The following GLP1R variants were observed in gnomAD, a reference collection of about 807,000 sequenced individuals.
The protein encoded by GLP1R is glucagon-like peptide 1 receptor.
A neutral mutation model predicts 68.4 loss-of-function variants in GLP1R; 32 were observed. The ratio of observed to expected loss-of-function variants is 0.47; its 90% CI spans 0.35 to 0.63. The LOEUF is 0.63. GLP1R is among the 20% of genes least tolerant of loss of function. The pLI, the probability that GLP1R is intolerant of heterozygous loss-of-function variation, is 0.00. For missense variants in GLP1R, 502 were observed against 594.9 expected (o/e 0.84, Z 1.62); for synonymous variants, 263 against 244.4 (o/e 1.08, Z -0.71).
intron 6 of GLP1R, 135 bp downstream of exon 6, chr6:39,073,150 A>T (rs1309402602): frequency 1.3e-6 from 1 of 776,802 alleles, no homozygotes; most frequent in East Asian, 2.6e-5. Context: ...CCCCAGTCTG[A>T]TGGGAGAGGC....
In GLP1R at chr6:39,085,273, C is replaced by G. The variant is rs928248793; in HGVS notation, c.1225-633C>G. Among the ~76,000 whole-genome samples, 10 of 152,250 alleles carry G rather than the reference C, an allele frequency of 6.6e-5. 1 individual carries two copies. Among genetic ancestry groups the G allele is most frequent in the Admixed American group, 5.9e-4 (9 of 15,294 alleles). ...CCAGCACAACAGGGATCCTGGCTGA[C>G]TGAGCTCCCCTGGGCTGCACCCCCA... On this transcript the variant is annotated intron_variant, in intron 12 of 12. Coordinates refer to ENST00000373256, the MANE Select transcript of GLP1R (RefSeq NM_002062.5).
chr6:39,052,796 C>G (rs911620114), intron 1 of GLP1R, among the ~76,000 whole-genome samples: 1 of 152,172 alleles, frequency 6.6e-6, no homozygotes, highest in Non-Finnish European at 1.5e-5. Context: ...ATTTTATGGA[C>G]GGCAGAACTG....
chr6:39,059,845 C>T (rs1768313933), intron 3 of GLP1R, among the ~76,000 whole-genome samples: 1 of 152,162 alleles, frequency 6.6e-6, no homozygotes, highest in South Asian at 2.1e-4. Context: ...CTGCCTGCCG[C>T]TTGCAGCTCC....
chr6:39,079,207 T>C lies in GLP1R; in HGVS notation c.1043+7T>C. 2 of 1,598,816 alleles carry C rather than the reference T, an allele frequency of 1.3e-6. No individual in the cohort carries two copies. Among genetic ancestry groups the C allele is most frequent in the Non-Finnish European group, 1.7e-6 (2 of 1,166,040 alleles). ...AGACAGACATCAAATGCAGGTGATG[T>C]AACTGAGCTGGCTTTACTGAGGACC... On this transcript the variant is annotated splice_region_variant and intron_variant, in intron 10 of 12. Transcript: ENST00000373256. This position sits in a 1 kb window ranked among gnomAD's most constrained non-coding sequence, Gnocchi z 4.5.
rs200424328 is a variant in GLP1R, at chr6:39,058,683, T to C, written c.283+1104T>C. Among the ~76,000 whole-genome samples the C allele has an allele frequency of 6.9e-5, 9 of 130,328 alleles. 1 individual carries two copies. The highest frequency in any genetic ancestry group is 1.5e-4 in the Admixed American group (2 of 13,208). The allele number at this position is 130,328 out of a possible 152,430, so 85.5% of individuals were successfully genotyped here. ...ATCATCATCATCACCATCACCATCATCATCGTCATCATAGCCAGCATTTAT... is the reference window on the plus strand; with the variant it reads ...ATCATCATCATCACCATCACCATCACCATCGTCATCATAGCCAGCATTTAT... On this transcript the variant is annotated intron_variant, in intron 3 of 12. Coordinates refer to ENST00000373256, the MANE Select transcript of GLP1R (RefSeq NM_002062.5).
Position 39,073,123 on chromosome 6 carries a change from C to T in GLP1R, c.663+108C>T, listed in dbSNP as rs1211020228. 5 of 1,069,730 alleles carry T rather than the reference C, an allele frequency of 4.7e-6. No homozygotes were observed. The South Asian group carries it at 6.1e-5, about 13-fold the overall frequency. 66.3% of individuals were successfully genotyped at this position (1,069,730 alleles called of 1,614,324 possible). On this transcript the variant is annotated intron_variant, in intron 6 of 12. Coordinates refer to ENST00000373256, the MANE Select transcript of GLP1R (RefSeq NM_002062.5). ...CAGGAGAAGACAAGAGCCGAACAGT[C>T]CTGGCCCTTCGGGAGCCCCCAGTCT... is the stretch of plus-strand genomic sequence containing the variant.
chr6:39,073,416 C>T (rs1583638066), intron 6 of GLP1R, among the ~76,000 whole-genome samples, 194 bp from the exon 7 acceptor site: 4 of 152,306 alleles, frequency 2.6e-5, no homozygotes, highest in South Asian at 2.1e-4. Context: ...ACATTACTTT[C>T]TTCCAATCAG....
chr6:39,061,521 C>T (rs1420007006), intron 3 of GLP1R, among the ~76,000 whole-genome samples: 3 of 152,162 alleles, frequency 2.0e-5, no homozygotes, highest in African/African-American at 7.2e-5. Flanking sequence ...AATGTGGAGC[C>T]TGGGGGTTTT....
chr6:39,080,630 C>T (rs555902435), intron 11 of GLP1R, 68 bp from the exon 12 acceptor site: 53 of 1,111,732 alleles, frequency 4.8e-5, no homozygotes, highest in African/African-American at 9.5e-5. Flanking sequence ...AAAGTGCTTC[C>T]GACCAGGGCC....
In GLP1R at chr6:39,079,047, T is replaced by C; in HGVS notation, c.954+21T>C. The C allele has an allele frequency of 6.2e-7, 1 of 1,612,538 alleles. No individual in the cohort carries two copies. The highest frequency in any genetic ancestry group is 8.5e-7 in the Non-Finnish European group (1 of 1,178,514). On this transcript the variant is annotated intron_variant, in intron 9 of 12. Transcript: ENST00000373256. The surrounding 1 kb of genome is among the most constrained non-coding windows in gnomAD (Gnocchi z 4.5). Reference sequence around the variant, plus strand: ...TTGGGGTGAGTGATGGTGTCAGGGATGGGAGTGGCAGCTATGATAGGGCTG... The same window carrying C: ...TTGGGGTGAGTGATGGTGTCAGGGACGGGAGTGGCAGCTATGATAGGGCTG...
intron 5 of GLP1R, among the ~76,000 whole-genome samples, chr6:39,067,761 G>A (rs932391051): frequency 2.0e-5 from 3 of 152,178 alleles, no homozygotes; most frequent in African/African-American, 7.2e-5. Flanking sequence ...TAACTTTAAA[G>A]TCTAAGTCCA....
intron 3 of GLP1R, among the ~76,000 whole-genome samples, chr6:39,063,792 C>A (rs1395034325): frequency 6.6e-6 from 1 of 151,900 alleles, no homozygotes; most frequent in African/African-American, 2.4e-5. Context: ...GTTGTCCCTG[C>A]CACATTTTTT....
At position 39,087,975 on chromosome 6, in the gene GLP1R, A is replaced by G. The variant is rs1247234871; in HGVS notation, c.*1902A>G. Among the ~76,000 whole-genome samples, 2 of 152,200 alleles carry G rather than the reference A, an allele frequency of 1.3e-5. No homozygotes were observed. Among genetic ancestry groups the G allele is most frequent in the Non-Finnish European group, 1.5e-5 (1 of 68,030 alleles). On this transcript the variant is annotated 3_prime_UTR_variant, in exon 13 of 13. Transcript: ENST00000373256. The stretch of plus-strand genomic sequence containing the variant: ...GCTGGTGCAAGTGTTTAAGTTTTGG[A>G]TAAACTGAGGATTTTGAGAATCATT...
chr6:39,067,196 T>C (rs1021527098), intron 5 of GLP1R, among the ~76,000 whole-genome samples: 1 of 152,192 alleles, frequency 6.6e-6, no homozygotes, highest in Non-Finnish European at 1.5e-5. Flanking sequence ...TTCCGACACA[T>C]TTCCTTGTAC....
chr6:39,079,210 C>T lies in GLP1R; in HGVS notation c.1043+10C>T, dbSNP rs1768923035. The T allele has an allele frequency of 6.3e-7, 1 of 1,586,890 alleles. No individual in the cohort carries two copies. The highest frequency in any genetic ancestry group is 1.1e-5 in the South Asian group (1 of 90,516). On this transcript the variant is annotated intron_variant, in intron 10 of 12. Coordinates refer to ENST00000373256, the MANE Select transcript of GLP1R (RefSeq NM_002062.5). This position sits in a 1 kb window ranked among gnomAD's most constrained non-coding sequence, Gnocchi z 4.5. ...CAGACATCAAATGCAGGTGATGTAA[C>T]TGAGCTGGCTTTACTGAGGACCCTC...
chr6:39,083,511 G>C (rs148398400), intron 12 of GLP1R, among the ~76,000 whole-genome samples: 10 of 152,204 alleles, frequency 6.6e-5, no homozygotes, highest in Admixed American at 5.9e-4. Context: ...GGGACAGGGA[G>C]GGGGAGGCCT....
At position 39,066,270 on chromosome 6, in the gene GLP1R, T is replaced by A. The variant is rs1484789101; in HGVS notation, c.476T>A (p.Leu159Gln). 6.2e-7 allele frequency: 1 copy of A among 1,612,220 alleles called. No homozygotes were observed. The highest frequency in any genetic ancestry group is 8.5e-7 in the Non-Finnish European group (1 of 1,178,360). ...TVGYALSFSA[L>Q]VIASAILLGF... ...GGCTACGCACTCTCCTTCTCTGCTC[T>A]GGTTATCGCCTCTGCGATCCTCCTC... is the stretch of plus-strand genomic sequence containing the variant. The change falls in exon 5 of 13, where the codon CTG becomes CAG. Residue 159 changes from leucine (L) to glutamine (Q), a missense_variant. Transcript: ENST00000373256.
chr6:39,060,756 A>C (rs1269156009), intron 3 of GLP1R, among the ~76,000 whole-genome samples: 1 of 152,212 alleles, frequency 6.6e-6, no homozygotes, highest in African/African-American at 2.4e-5. Flanking sequence ...GGAGCAGAGG[A>C]GTGGTGATCT....
At chr6:39,076,256 G>T (rs1347247849) in intron 7 of GLP1R, among the ~76,000 whole-genome samples, 1 of 152,190 alleles carries the variant, frequency 6.6e-6, no homozygotes, top group Non-Finnish European at 1.5e-5. Flanking sequence ...CCTTATTGGT[G>T]TGTTGACTCA....
Sources: gnomAD v4.1 joint callset for allele counts (sites outside exome capture counted in the v4.1 genomes callset) on GRCh38, gnomAD v4.1.1 for gene constraint, Gnocchi (gnomAD v3.1) non-coding constraint, MANE v1.5 for transcripts, NCBI Gene and HGNC (gene_info 2026-07-23, HGNC 2026-07-21) for gene names.